Variants in ERBB4 observed in about 807,000 individuals in gnomAD.
ERBB4 encodes receptor tyrosine-protein kinase erbB-4.
Under a neutral mutation model 158.0 loss-of-function variants are expected in ERBB4, and 42 were observed. That is an observed-to-expected ratio of 0.27 (90% confidence interval 0.21 to 0.34). The LOEUF is 0.34. ERBB4 is among the 10% of genes least tolerant of loss of function. ERBB4 has a pLI of 1.00. For missense variants in ERBB4, 1,333 were observed against 1,624.1 expected, an observed-to-expected ratio of 0.82 and a Z score of 3.08; for synonymous variants, 583 against 558.7, an observed-to-expected ratio of 1.04 and a Z score of -0.61.
intron 2 of ERBB4, among the ~76,000 whole-genome samples, chr2:212,036,969 T>C (rs1285742568): frequency 6.6e-6 from 1 of 152,148 alleles, no homozygotes; most frequent in Non-Finnish European, 1.5e-5. Context: ...TTTATCAACT[T>C]GGTAGAACAG....
chr2:211,515,307 G>T (rs2125625431), intron 20 of ERBB4, among the ~76,000 whole-genome samples: 1 of 152,200 alleles, frequency 6.6e-6, no homozygotes, highest in Middle Eastern at 3.4e-3. Flanking sequence ...TGACACAGAA[G>T]TAATAGAAAA....
intron 5 of ERBB4, among the ~76,000 whole-genome samples, chr2:211,746,613 G>A (rs1346166193): frequency 6.6e-6 from 1 of 152,028 alleles, no homozygotes; most frequent in East Asian, 1.9e-4. Context: ...TGGATCACCT[G>A]AGGTCAGGAG....
chr2:212,266,553 G>A (rs1175771803), intron 1 of ERBB4, among the ~76,000 whole-genome samples: 2 of 151,930 alleles, frequency 1.3e-5, no homozygotes, highest in Non-Finnish European at 2.9e-5. Flanking sequence ...CACTACTGCT[G>A]CTAAGAAGAA....
At chr2:212,357,616 C>G (rs541929569) in intron 1 of ERBB4, among the ~76,000 whole-genome samples, 1 of 151,644 alleles carries the variant, frequency 6.6e-6, no homozygotes. Context: ...GAAGCCCAGA[C>G]ACTGAAAATG....
At chr2:211,559,209 C>T (rs533849220) in intron 20 of ERBB4, among the ~76,000 whole-genome samples, 4 of 152,166 alleles carry the variant, frequency 2.6e-5, no homozygotes, top group East Asian at 3.9e-4. Context: ...ATCTTAATTC[C>T]ATCTACTTCT....
chr2:211,789,584 T>C (rs1014003825), intron 3 of ERBB4, among the ~76,000 whole-genome samples: 4 of 152,250 alleles, frequency 2.6e-5, no homozygotes, highest in Non-Finnish European at 4.4e-5. Flanking sequence ...TGGTTATCTC[T>C]ACCGCAAGAG....
chr2:211,807,128 A>C lies in ERBB4; in HGVS notation c.422-18969T>G, dbSNP rs1330492529. Among the ~76,000 whole-genome samples, 9 of 152,264 alleles carry C rather than the reference A, an allele frequency of 5.9e-5. No homozygotes were observed. In the East Asian group the frequency reaches 1.2e-3, roughly 20 times the overall value. On this transcript the variant is annotated intron_variant, in intron 3 of 27. Coordinates refer to ENST00000342788, the MANE Select transcript of ERBB4 (RefSeq NM_005235.3). ...CAGCTTAATGAGCTAGAGAGTAGAC[A>C]AAACAGGAGACTGTTGATTTTTTTT...
At chr2:212,052,829 C>T (rs988369888) in intron 2 of ERBB4, among the ~76,000 whole-genome samples, 2 of 152,168 alleles carry the variant, frequency 1.3e-5, no homozygotes, top group African/African-American at 4.8e-5. Context: ...TCTTCTCCTG[C>T]TATATAAATA....
At chr2:212,182,828 T>C (rs186469163) in intron 1 of ERBB4, among the ~76,000 whole-genome samples, 49 of 151,936 alleles carry the variant, frequency 3.2e-4, no homozygotes, top group Admixed American at 7.9e-4. Flanking sequence ...ATTATGTTTC[T>C]GCTATGAATA....
chr2:211,623,009 A>T (rs1485985318), intron 18 of ERBB4, among the ~76,000 whole-genome samples: 2 of 47,576 alleles, frequency 4.2e-5, no homozygotes, highest in African/African-American at 2.1e-4. Flanking sequence ...ATATATATAT[A>T]TATATATATA....
chr2:212,376,089 A>G (rs1370077578), intron 1 of ERBB4, among the ~76,000 whole-genome samples: 4 of 152,102 alleles, frequency 2.6e-5, no homozygotes, highest in African/African-American at 9.7e-5. Flanking sequence ...CATCACAGTC[A>G]TCTCAACTGG....
intron 1 of ERBB4, among the ~76,000 whole-genome samples, chr2:212,304,047 T>C (rs1234829109): frequency 6.6e-6 from 1 of 151,602 alleles, no homozygotes; most frequent in East Asian, 1.9e-4. Context: ...AGAGACGTGA[T>C]AAGCAATATC....
intron 2 of ERBB4, among the ~76,000 whole-genome samples, chr2:211,969,679 C>T (rs1393499602): frequency 6.6e-6 from 1 of 151,870 alleles, no homozygotes. Flanking sequence ...GGATAAGTTT[C>T]AAATTTTTTA....
chr2:211,622,125 A>T (rs1012870956), intron 18 of ERBB4, among the ~76,000 whole-genome samples: 2 of 152,230 alleles, frequency 1.3e-5, no homozygotes, highest in Non-Finnish European at 2.9e-5. Context: ...CTCTACATTT[A>T]TTATCCACAT....
In ERBB4 at chr2:211,868,399, T is replaced by A. The variant is rs556222449; in HGVS notation, c.421+79031A>T. Among the ~76,000 whole-genome samples, 4 of 152,364 alleles carry A rather than the reference T, an allele frequency of 2.6e-5. No individual in the cohort carries two copies. The East Asian group carries it at 7.7e-4, about 29-fold the overall frequency. On this transcript the variant is annotated intron_variant, in intron 3 of 27. Transcript: ENST00000342788. ...CATTCTTGTTCCCATAAGTTGCTAT[T>A]GCCAAACATGGTTTTATGGCTCACT... is the stretch of plus-strand genomic sequence containing the variant.
At chr2:211,856,374 T>TTATTTATC (rs2077861158) in intron 3 of ERBB4, among the ~76,000 whole-genome samples, 1 of 140,878 alleles carries the variant, frequency 7.1e-6, no homozygotes, top group African/African-American at 2.6e-5. Flanking sequence ...TTCTATTTAT[T>TTATTTATC]TATTTATTTA....
chr2:212,187,466 A>G (rs2082049239), intron 1 of ERBB4, among the ~76,000 whole-genome samples: 1 of 146,262 alleles, frequency 6.8e-6, no homozygotes, highest in Non-Finnish European at 1.5e-5. Flanking sequence ...TTAATCTTCC[A>G]TTATAATTAT....
chr2:212,203,858 A>T (rs1176532686), intron 1 of ERBB4, among the ~76,000 whole-genome samples: 2 of 150,202 alleles, frequency 1.3e-5, no homozygotes, highest in East Asian at 1.9e-4. Context: ...CACTAGGAAT[A>T]AAAAAAATGA....
intron 1 of ERBB4, among the ~76,000 whole-genome samples, chr2:212,424,916 G>C (rs919891635): frequency 6.6e-6 from 1 of 151,988 alleles, no homozygotes; most frequent in African/African-American, 2.4e-5. Context: ...TCTTCTACTG[G>C]AGACTATGAC....
Sources: gnomAD v4.1 joint callset for allele counts (sites outside exome capture counted in the v4.1 genomes callset) on GRCh38, gnomAD v4.1.1 for gene constraint, MANE v1.5 for transcripts, NCBI Gene and HGNC (gene_info 2026-07-23, HGNC 2026-07-21) for gene names.